PCDHGB4: variants seen among roughly 807,000 people sequenced by gnomAD.
The protein encoded by PCDHGB4 is protocadherin gamma-B4.
PCDHGB4 carries 38 observed loss-of-function variants against 60.5 expected under a neutral mutation model. The ratio of observed to expected loss-of-function variants is 0.63; its 90% CI spans 0.48 to 0.82. PCDHGB4 has a LOEUF of 0.82. Ranked by LOEUF, PCDHGB4 falls within the 40% of genes least tolerant of loss-of-function variation. PCDHGB4 has a pLI of 0.00. For synonymous variants in PCDHGB4, 456 were observed against 509.7 expected (o/e 0.89, Z 1.42); for missense variants, 1,109 against 1,209.6 (o/e 0.92, Z 1.23).
At chr5:141,404,382 A>T in intron 1 of PCDHGB4, 2 of 1,613,978 alleles carry the variant, frequency 1.2e-6, no homozygotes, top group Non-Finnish European at 1.7e-6. Context: ...GTGATTGCCT[A>T]TGACCCTGAT....
chr5:141,482,767 A>AGCTAGTACTATAATTATTTTTATTAGTTC (rs1370824281), intron 1 of PCDHGB4, among the ~76,000 whole-genome samples: 2 of 150,588 alleles, frequency 1.3e-5, no homozygotes, highest in African/African-American at 2.5e-5. Context: ...TTTCATTATC[A>AGCTAGTACTATAATTATTTTTATTAGTTC]CTGAACCTTA....
At chr5:141,462,980 G>T (rs1249102130) in intron 1 of PCDHGB4, among the ~76,000 whole-genome samples, 1 of 152,006 alleles carries the variant, frequency 6.6e-6, no homozygotes, top group Non-Finnish European at 1.5e-5. Flanking sequence ...AGTAACTTTT[G>T]CCTTGGGCTA....
At chr5:141,460,961 A>ATG (rs35821115) in intron 1 of PCDHGB4, among the ~76,000 whole-genome samples, 128 of 144,610 alleles carry the variant, frequency 8.9e-4, no homozygotes, top group Middle Eastern at 7.1e-3. Context: ...GTATATATAT[A>ATG]TGTGTGTGTG....
At chr5:141,400,769 T>C (rs2094071773) in intron 1 of PCDHGB4, 2 of 575,796 alleles carry the variant, frequency 3.5e-6, no homozygotes, top group Admixed American at 3.4e-5. Flanking sequence ...GCAAAAACAT[T>C]TGGTGCGTTT....
At position 141,389,360 on chromosome 5, in the gene PCDHGB4, T is replaced by C. The variant is rs1245411453; in HGVS notation, c.1476T>C (p.Ser492=). 4 of 1,613,742 alleles carry C rather than the reference T, an allele frequency of 2.5e-6. No homozygotes were observed. Among genetic ancestry groups the C allele is most frequent in the South Asian group, 1.1e-5 (1 of 91,096 alleles). ...AAGTCTCTTACTGCATCATGGCCAGTGACCTGGAGCAGCGGGAGCTGTCAT... is the reference window on the plus strand; with the variant it reads ...AAGTCTCTTACTGCATCATGGCCAGCGACCTGGAGCAGCGGGAGCTGTCAT... The part of the protein sequence containing the change: ...NGQVSYCIMA[S]DLEQRELSSY... Residue 492 remains serine (S), a synonymous_variant, in exon 1 of 4, where the codon AGT becomes AGC. Coordinates refer to ENST00000519479, the MANE Select transcript of PCDHGB4 (RefSeq NM_003736.4).
In PCDHGB4 at chr5:141,477,125, A is replaced by G; in HGVS notation, c.2398-17682A>G. The G allele has an allele frequency of 2.5e-6, 4 of 1,614,212 alleles. No individual in the cohort carries two copies. The highest frequency in any genetic ancestry group is 3.4e-6 in the Non-Finnish European group (4 of 1,180,036). On this transcript the variant is annotated intron_variant, in intron 1 of 3. Transcript: ENST00000519479. This position sits in a 1 kb window ranked among gnomAD's most constrained non-coding sequence, Gnocchi z 4.9. ...CGCCAATCCCGAAGGAGCACATTGC[A>G]AAGTGTTGGTGGAGGTTGTGGATGT...
chr5:141,415,740 G>GTTTTTTTTTTT (rs57426385), intron 1 of PCDHGB4: 102 of 625,036 alleles, frequency 1.6e-4, no homozygotes, highest in Admixed American at 2.1e-4. Context: ...GTTTATTAAG[G>GTTTTTTTTTTT]TTTTTTTTTT....
At chr5:141,510,525 G>A (rs545854649) in intron 3 of PCDHGB4, among the ~76,000 whole-genome samples, 1 of 152,316 alleles carries the variant, frequency 6.6e-6, no homozygotes, top group African/African-American at 2.4e-5. Context: ...ACAGCCCTGA[G>A]AGAAATACCA....
chr5:141,418,095 C>T, intron 1 of PCDHGB4: 1 of 1,614,006 alleles, frequency 6.2e-7, no homozygotes, highest in Non-Finnish European at 8.5e-7. Context: ...AGCGTAGACG[C>T]GCAGAGCGGG....
At chr5:141,458,519 T>C (rs974750749) in intron 1 of PCDHGB4, among the ~76,000 whole-genome samples, 1 of 152,110 alleles carries the variant, frequency 6.6e-6, no homozygotes, top group Non-Finnish European at 1.5e-5. Context: ...CTTTGTTTTT[T>C]TTTTTAACTT....
Position 141,409,613 on chromosome 5 carries a change from A to T in PCDHGB4, c.2397+19332A>T, listed in dbSNP as rs370495173. 6.6e-5 allele frequency: 107 copies of T among 1,613,738 alleles called. 1 individual carries two copies. The South Asian group carries it at 1.1e-3, about 17-fold the overall frequency. ...CGAGAACAACCCGCCAGGAGCCTCC[A>T]TTGCGCAAGTGAGCGCCTCTGACCC... On this transcript the variant is annotated intron_variant, in intron 1 of 3. Transcript: ENST00000519479.
intron 2 of PCDHGB4, among the ~76,000 whole-genome samples, chr5:141,497,023 G>A (rs1271608156): frequency 1.3e-5 from 2 of 151,912 alleles, no homozygotes; most frequent in Non-Finnish European, 2.9e-5. Flanking sequence ...ACCCCATCTC[G>A]ATTAAAAATA....
chr5:141,489,666 C>A lies in PCDHGB4; in HGVS notation c.2398-5141C>A. On this transcript the variant is annotated intron_variant, in intron 1 of 3. Transcript: ENST00000519479. The surrounding 1 kb of genome is among the most constrained non-coding windows in gnomAD (Gnocchi z 4.5). ...CCACCCCTGAGCGAGAGATGCGCAT[C>A]TCAGAATCAGCAGCATCTGGGGCAC... 1.2e-6 allele frequency: 2 copies of A among 1,614,222 alleles called. No homozygotes were observed. Among genetic ancestry groups the A allele is most frequent in the Non-Finnish European group, 1.7e-6 (2 of 1,180,036 alleles).
At chr5:141,466,095 C>T (rs1170423552) in intron 1 of PCDHGB4, among the ~76,000 whole-genome samples, 1 of 152,038 alleles carries the variant, frequency 6.6e-6, no homozygotes, top group African/African-American at 2.4e-5. Flanking sequence ...GCACTCCAGC[C>T]TGGGCAACAG....
At chr5:141,417,503 TAA>T in intron 1 of PCDHGB4, 1 of 229,962 alleles carries the variant, frequency 4.3e-6, no homozygotes, top group East Asian at 9.7e-5. Flanking sequence ...GGAAAAAGAT[TAA>T]AATATTTTGG....
In PCDHGB4 at chr5:141,389,566, T is replaced by G; in HGVS notation, c.1682T>G (p.Leu561Arg). The G allele has an allele frequency of 6.2e-7, 1 of 1,613,278 alleles. No homozygotes were observed. The highest frequency in any genetic ancestry group is 8.5e-7 in the Non-Finnish European group (1 of 1,179,776). The change falls in exon 1 of 4, where the codon CTG (leucine) becomes CGG (arginine). Residue 561 changes from leucine to arginine, a missense_variant. Around this residue, in one of 2 missense-constraint regions of PCDHGB4, gnomAD observed 1,068 missense variants for 1,089.9 expected, o/e 0.98. Coordinates refer to ENST00000519479, the MANE Select transcript of PCDHGB4 (RefSeq NM_003736.4). ...CGCAACGACAATGCGCCACGGGTGC[T>G]GTACCCCGCGCTGGGTCCCGACGGC... ...DDRNDNAPRV[L>R]YPALGPDGSA...
At chr5:141,455,411 G>T (rs1292246147) in intron 1 of PCDHGB4, among the ~76,000 whole-genome samples, 1 of 152,096 alleles carries the variant, frequency 6.6e-6, no homozygotes, top group Non-Finnish European at 1.5e-5. Context: ...AGAGACAGAG[G>T]GAGCGGGGCT....
intron 2 of PCDHGB4, among the ~76,000 whole-genome samples, chr5:141,497,171 C>T (rs991574648): frequency 6.6e-6 from 1 of 151,148 alleles, no homozygotes; most frequent in African/African-American, 2.5e-5. Context: ...CCACAAATCA[C>T]AGTAAGTTCT....
At chr5:141,399,593 C>T in intron 1 of PCDHGB4, 1 of 1,613,988 alleles carries the variant, frequency 6.2e-7, no homozygotes, top group Non-Finnish European at 8.5e-7. Flanking sequence ...TCTATCATGG[C>T]CAGCGACCTA....
Sources: allele counts gnomAD v4.1 joint callset (sites outside exome capture counted in the v4.1 genomes callset), GRCh38; gene constraint gnomAD v4.1.1; regional missense constraint gnomAD v4.1.1; non-coding constraint Gnocchi (gnomAD v3.1); transcripts MANE v1.5; gene names NCBI Gene and HGNC (gene_info 2026-07-23, HGNC 2026-07-21).